ZNF407: variants seen among roughly 807,000 people sequenced by gnomAD.
ZNF407 encodes zinc finger protein 407.
ZNF407 carries 17 observed loss-of-function variants against 131.2 expected under a neutral mutation model. The observed-to-expected ratio is 0.13, with a 90% CI of 0.09 to 0.19. The LOEUF is 0.19. Ranked by LOEUF, ZNF407 falls within the 10% of genes least tolerant of loss-of-function variation. The probability of loss-of-function intolerance (pLI) is 1.00; values close to 1 mark genes in which losing one functional copy is unlikely to be tolerated. For missense variants in ZNF407, 2,681 were observed against 2,830.6 expected (o/e 0.95, Z 1.20); for synonymous variants, 1,156 against 1,062.0 (o/e 1.09, Z -1.72).
At chr18:74,791,019 G>T (rs1203028854) in intron 4 of ZNF407, among the ~76,000 whole-genome samples, 1 of 152,164 alleles carries the variant, frequency 6.6e-6, no homozygotes, top group Non-Finnish European at 1.5e-5. Flanking sequence ...TTGATCTATT[G>T]TGAGCTTAGA....
chr18:75,063,606 C>A lies in ZNF407; in HGVS notation c.5885C>A (p.Ala1962Asp). The change falls in exon 9 of 9, where the codon GCT becomes GAT. Residue 1962 changes from alanine (A) to aspartate (D), a missense_variant. Coordinates refer to ENST00000299687, the MANE Select transcript of ZNF407 (RefSeq NM_017757.3). The surrounding 1 kb of genome is among the most constrained non-coding windows in gnomAD (Gnocchi z 6.6). ...GATGAGTCCCTCAGTCCAGGTGGCG[C>A]TGTGATACAACAGGTGACCAAGCAG... ...GMDESLSPGG[A>D]VIQQVTKQEI... 1 of 1,576,682 alleles carries A rather than the reference C, an allele frequency of 6.3e-7. No individual in the cohort carries two copies. Among genetic ancestry groups the A allele is most frequent in the African/African-American group, 1.3e-5 (1 of 74,180 alleles).
At chr18:74,911,778 T>G (rs1365751975) in intron 7 of ZNF407, among the ~76,000 whole-genome samples, 1 of 152,218 alleles carries the variant, frequency 6.6e-6, no homozygotes, top group Non-Finnish European at 1.5e-5. Context: ...GAGCGATCAC[T>G]CCATGCTGTC....
At chr18:74,830,464 T>C (rs1970467277) in intron 4 of ZNF407, among the ~76,000 whole-genome samples, 2 of 152,118 alleles carry the variant, frequency 1.3e-5, no homozygotes. Flanking sequence ...TGTTTGTTTG[T>C]TTTTTGTCAA....
chr18:74,701,216 C>T (rs2144821593), intron 3 of ZNF407, among the ~76,000 whole-genome samples: 1 of 152,228 alleles, frequency 6.6e-6, no homozygotes, highest in East Asian at 1.9e-4. Flanking sequence ...AGGCTCCAGG[C>T]TGTGGTGTTC....
In ZNF407 at chr18:74,877,300, C is replaced by G; in HGVS notation, c.4981C>G (p.Pro1661Ala). 6.2e-7 allele frequency: 1 copy of G among 1,613,924 alleles called. No homozygotes were observed. The highest frequency in any genetic ancestry group is 8.5e-7 in the Non-Finnish European group (1 of 1,179,886). The change falls in exon 5 of 9, where the codon CCC becomes GCC. Residue 1661 changes from proline to alanine, a missense_variant. By Grantham distance (27) the Pro-to-Ala change is conservative. Transcript: ENST00000299687. ...AGAAAAGCCGTTTAAATGTACCTGG[C>G]CCACGTGCCATTACTCATTCCTCAC... Reference protein sequence around the residue: ...TGEKPFKCTWPTCHYSFLTAS... With the variant: ...TGEKPFKCTWATCHYSFLTAS...
chr18:74,604,259 G>A (rs2144606326), intron 1 of ZNF407, among the ~76,000 whole-genome samples: 1 of 152,316 alleles, frequency 6.6e-6, no homozygotes, highest in South Asian at 2.1e-4. Flanking sequence ...TCCTTGCCTA[G>A]TTTTTCTCCT....
At chr18:74,765,046 C>T (rs1969197306) in intron 3 of ZNF407, among the ~76,000 whole-genome samples, 1 of 152,066 alleles carries the variant, frequency 6.6e-6, no homozygotes, top group Non-Finnish European at 1.5e-5. Context: ...TGGACCCACA[C>T]AGTTCCAATT....
At chr18:75,007,944 C>T (rs1000640309) in intron 8 of ZNF407, among the ~76,000 whole-genome samples, 1 of 152,114 alleles carries the variant, frequency 6.6e-6, no homozygotes, top group Non-Finnish European at 1.5e-5. Context: ...AAAGTGGTTT[C>T]TAGACAGGGA....
intron 3 of ZNF407, among the ~76,000 whole-genome samples, chr18:74,768,048 A>G (rs994879331): frequency 6.6e-6 from 1 of 152,076 alleles, no homozygotes; most frequent in African/African-American, 2.4e-5. Context: ...GGGTACCTTC[A>G]ATTCATTTTC....
intron 4 of ZNF407, among the ~76,000 whole-genome samples, chr18:74,850,759 T>A (rs1405741045): frequency 6.6e-6 from 1 of 152,230 alleles, no homozygotes; most frequent in African/African-American, 2.4e-5. Context: ...CCTTACTTGC[T>A]TGATTTTTCT....
chr18:75,032,074 G>T (rs1472406478), intron 8 of ZNF407, among the ~76,000 whole-genome samples: 1 of 152,174 alleles, frequency 6.6e-6, no homozygotes, highest in Non-Finnish European at 1.5e-5. Context: ...AATAGAAGTA[G>T]AGACCAGCGG....
At chr18:74,997,565 A>G (rs1398352562) in intron 8 of ZNF407, among the ~76,000 whole-genome samples, 1 of 152,186 alleles carries the variant, frequency 6.6e-6, no homozygotes, top group Non-Finnish European at 1.5e-5. Flanking sequence ...TTTTGTGTCC[A>G]TGGGCCCATG....
At chr18:74,993,976 G>C (rs7237274) in intron 8 of ZNF407, among the ~76,000 whole-genome samples, 25,223 of 152,190 alleles carry the variant, frequency 0.17, 2,303 homozygotes, top group Admixed American at 0.28. Context: ...TCACAGACAC[G>C]CCACATAATG....
intron 8 of ZNF407, among the ~76,000 whole-genome samples, chr18:75,032,841 G>C (rs1973258771): frequency 1.5e-5 from 2 of 134,702 alleles, no homozygotes; most frequent in African/African-American, 2.9e-5. Flanking sequence ...ATAACTAAGA[G>C]TGCTCGGAAT....
intron 8 of ZNF407, among the ~76,000 whole-genome samples, chr18:75,002,655 A>G (rs1203872871): frequency 6.6e-6 from 1 of 152,062 alleles, no homozygotes; most frequent in East Asian, 1.9e-4. Context: ...ATACAAAAAA[A>G]TTAACCGGGC....
intron 2 of ZNF407, among the ~76,000 whole-genome samples, chr18:74,640,793 G>T (rs1411821160): frequency 1.3e-5 from 2 of 152,128 alleles, no homozygotes; most frequent in African/African-American, 4.8e-5. Flanking sequence ...AGGATTGTTA[G>T]TGGAAGTTAG....
intron 7 of ZNF407, among the ~76,000 whole-genome samples, chr18:74,890,613 C>A (rs549422256): frequency 6.6e-6 from 1 of 152,086 alleles, no homozygotes; most frequent in Non-Finnish European, 1.5e-5. Flanking sequence ...GTTGTTCAAC[C>A]CATTTATGGT....
intron 3 of ZNF407, among the ~76,000 whole-genome samples, chr18:74,759,322 A>G (rs781564360): frequency 4.6e-5 from 7 of 152,030 alleles, no homozygotes; most frequent in African/African-American, 7.2e-5. Flanking sequence ...TTCTGTGGAC[A>G]TGTTTGAGTT....
At chr18:74,819,534 A>G (rs963907718) in intron 4 of ZNF407, among the ~76,000 whole-genome samples, 2 of 152,104 alleles carry the variant, frequency 1.3e-5, no homozygotes, top group Non-Finnish European at 2.9e-5. Flanking sequence ...GGGCAGAACT[A>G]TTGGTGGAGA....
Sources: allele counts gnomAD v4.1 joint callset (sites outside exome capture counted in the v4.1 genomes callset), GRCh38; gene constraint gnomAD v4.1.1; non-coding constraint Gnocchi (gnomAD v3.1); transcripts MANE v1.5; gene names NCBI Gene and HGNC (gene_info 2026-07-23, HGNC 2026-07-21).